Variants in LRP1B observed in about 807,000 individuals in gnomAD.
LRP1B encodes the protein LDL receptor related protein 1B.
In LRP1B, 217 loss-of-function variants were observed where a neutral mutation model predicts 556.6. That is an observed-to-expected ratio of 0.39 (90% CI 0.35 to 0.44). LRP1B has a LOEUF of 0.44. Ranked by LOEUF, LRP1B falls within the 20% of genes least tolerant of loss-of-function variation. The pLI is 1.00. For synonymous variants in LRP1B, 2,047 were observed against 1,865.8 expected, an observed-to-expected ratio of 1.10 and a Z score of -2.50; for missense variants, 5,053 against 5,620.8, an observed-to-expected ratio of 0.90 and a Z score of 3.23.
chr2:141,566,324 T>C lies in LRP1B; in HGVS notation c.206-85791A>G, dbSNP rs979196577. On this transcript the variant is annotated intron_variant, in intron 2 of 90. Transcript: ENST00000389484. ...AAAGAAACGATGTAACTTTCACTTA[T>C]AGTAAATGAAATTATATAAAATCAG... Among the ~76,000 whole-genome samples the C allele has an allele frequency of 2.6e-5, 4 of 152,150 alleles. No individual in the cohort carries two copies. In the East Asian group the frequency reaches 5.8e-4, roughly 22 times the overall value.
chr2:140,416,526 C>T (rs1163423529), intron 66 of LRP1B, among the ~76,000 whole-genome samples: 2 of 151,954 alleles, frequency 1.3e-5, no homozygotes, highest in African/African-American at 4.8e-5. Flanking sequence ...CATGGTGATG[C>T]ATGCCTGCAG....
At chr2:140,488,558 G>A (rs1573995722) in intron 57 of LRP1B, among the ~76,000 whole-genome samples, 1 of 151,886 alleles carries the variant, frequency 6.6e-6, no homozygotes, top group South Asian at 2.1e-4. Context: ...CAGGATCTAG[G>A]AATCTTTTAG....
intron 3 of LRP1B, among the ~76,000 whole-genome samples, chr2:141,388,762 C>T (rs920960142): frequency 6.6e-6 from 1 of 151,988 alleles, no homozygotes; most frequent in Non-Finnish European, 1.5e-5. Flanking sequence ...AGCAAAATCT[C>T]AAAGAATTCA....
At chr2:140,827,720 A>T (rs567810557) in intron 31 of LRP1B, among the ~76,000 whole-genome samples, 1 of 152,250 alleles carries the variant, frequency 6.6e-6, no homozygotes, top group East Asian at 1.9e-4. Flanking sequence ...ATAATAACAG[A>T]AAACATACCA....
chr2:140,945,935 G>C (rs529232673), intron 20 of LRP1B, among the ~76,000 whole-genome samples: 1 of 152,126 alleles, frequency 6.6e-6, no homozygotes, highest in South Asian at 2.1e-4. Context: ...TGCAGAATGG[G>C]GGCAAGTCTT....
rs1203285076 is a variant in LRP1B at position 140,270,238 on chromosome 2, TCA to T, written c.13247+2_13247+3del. ...AGATGCCCATGACTTGATTAAATAC[TCA>T]CAGACACACAGGTACATTTGTCTCG... On this transcript the variant is annotated splice_donor_variant and splice_donor_region_variant and intron_variant, in intron 86 of 90. Coordinates refer to ENST00000389484, the MANE Select transcript of LRP1B (RefSeq NM_018557.3). LOFTEE classifies it high-confidence loss of function. 6.2e-7 allele frequency: 1 copy of T among 1,606,498 alleles called. No individual in the cohort carries two copies. Among genetic ancestry groups the T allele is most frequent in the Non-Finnish European group, 8.5e-7 (1 of 1,173,770 alleles).
chr2:141,924,304 GC>G (rs1387676665), intron 1 of LRP1B, among the ~76,000 whole-genome samples: 1 of 151,964 alleles, frequency 6.6e-6, no homozygotes, highest in African/African-American at 2.4e-5. Context: ...CTGCTTGATA[GC>G]CAAAACTTCA....
rs552647596 is a variant in LRP1B, at chr2:140,790,149, A to G, written c.5360-13911T>C. Among the ~76,000 whole-genome samples, 6 of 152,204 alleles carry G rather than the reference A, an allele frequency of 3.9e-5. No homozygotes were observed. The East Asian group carries it at 1.2e-3, about 30-fold the overall frequency. On this transcript the variant is annotated intron_variant, in intron 32 of 90. Transcript: ENST00000389484. ...TCTTCCTCAACCAAATGCAACCTCC[A>G]TGAAGGCGGGGATTAGAGTGGCCTT...
intron 3 of LRP1B, among the ~76,000 whole-genome samples, chr2:141,296,814 C>G (rs1264549389): frequency 6.6e-6 from 1 of 152,042 alleles, no homozygotes; most frequent in South Asian, 2.1e-4. Context: ...GTTCCCATTA[C>G]CCAGGTACTG....
At chr2:140,351,996 C>A (rs1681983007) in intron 76 of LRP1B, among the ~76,000 whole-genome samples, 1 of 152,096 alleles carries the variant, frequency 6.6e-6, no homozygotes, top group Admixed American at 6.6e-5. Context: ...CTATAGCCCA[C>A]AGTTGATCCA....
chr2:141,176,904 T>C (rs1680762065), intron 7 of LRP1B, among the ~76,000 whole-genome samples: 1 of 152,124 alleles, frequency 6.6e-6, no homozygotes, highest in Non-Finnish European at 1.5e-5. Flanking sequence ...AAAATAAAAT[T>C]ACATAGTGGT....
At chr2:141,932,823 T>C (rs1431400968) in intron 1 of LRP1B, among the ~76,000 whole-genome samples, 1 of 151,986 alleles carries the variant, frequency 6.6e-6, no homozygotes, top group African/African-American at 2.4e-5. Context: ...ATGTATTATG[T>C]GGTAAATCTG....
intron 77 of LRP1B, among the ~76,000 whole-genome samples, chr2:140,337,887 T>A (rs1681176161): frequency 6.6e-6 from 1 of 151,774 alleles, no homozygotes; most frequent in Non-Finnish European, 1.5e-5. Flanking sequence ...AACTTTAGAC[T>A]TCTAAACCTA....
chr2:140,676,446 T>A, intron 41 of LRP1B, among the ~76,000 whole-genome samples: 1 of 152,346 alleles, frequency 6.6e-6, no homozygotes, highest in East Asian at 1.9e-4. Flanking sequence ...ATACTTTTTT[T>A]TAAAATCACC....
intron 83 of LRP1B, among the ~76,000 whole-genome samples, chr2:140,304,804 C>T (rs1423597722): frequency 6.6e-6 from 1 of 152,130 alleles, no homozygotes; most frequent in African/African-American, 2.4e-5. Flanking sequence ...ACGTTTAAGT[C>T]TTTAATCCAT....
At chr2:141,098,799 A>T (rs1700386959) in intron 7 of LRP1B, among the ~76,000 whole-genome samples, 1 of 152,186 alleles carries the variant, frequency 6.6e-6, no homozygotes, top group Non-Finnish European at 1.5e-5. Flanking sequence ...CTGGGATTAC[A>T]GGCATGTGCC....
intron 5 of LRP1B, among the ~76,000 whole-genome samples, chr2:141,235,184 C>T (rs1683605955): frequency 6.6e-6 from 1 of 151,906 alleles, no homozygotes; most frequent in South Asian, 2.1e-4. Flanking sequence ...TTTATCTTAG[C>T]ACTACCTTTT....
chr2:141,466,498 T>C (rs1378431108), intron 3 of LRP1B, among the ~76,000 whole-genome samples: 2 of 152,224 alleles, frequency 1.3e-5, no homozygotes, highest in African/African-American at 4.8e-5. Flanking sequence ...CTCCCAGTCT[T>C]TCTTGCAAAT....
intron 1 of LRP1B, among the ~76,000 whole-genome samples, chr2:142,109,886 C>T (rs1322765834): frequency 6.6e-6 from 1 of 152,110 alleles, no homozygotes; most frequent in Non-Finnish European, 1.5e-5. Flanking sequence ...AAGCATTCCT[C>T]ACAGGCCCCT....
Sources: allele counts gnomAD v4.1 joint callset (sites outside exome capture counted in the v4.1 genomes callset), GRCh38; gene constraint gnomAD v4.1.1; transcripts MANE v1.5; gene names NCBI Gene and HGNC (gene_info 2026-07-23, HGNC 2026-07-21).